The following PPRC1 variants were observed in gnomAD, a reference collection of about 807,000 sequenced individuals.
The protein encoded by PPRC1 is peroxisome proliferator-activated receptor gamma coactivator-related protein 1.
In PPRC1, 23 loss-of-function variants were observed where a neutral mutation model predicts 132.5. The observed-to-expected ratio is 0.17, with a 90% confidence interval of 0.12 to 0.25. The LOEUF is 0.25. PPRC1 is among the 10% of genes least tolerant of loss of function. The pLI, the probability that PPRC1 is intolerant of heterozygous loss-of-function variation, is 1.00. For synonymous variants in PPRC1, 872 were observed against 833.5 expected (o/e 1.05, Z -0.80); for missense variants, 2,006 against 2,089.1 (o/e 0.96, Z 0.78).
intron 13 of PPRC1, 101 bp downstream of exon 13, chr10:102,149,430 GACAT>G (rs1294257926): frequency 9.7e-6 from 13 of 1,335,968 alleles, no homozygotes; most frequent in Admixed American, 5.8e-5. Context: ...ACCTTAGTTT[GACAT>G]ACAAAGAACC....
the PPRC1 span, chr10:102,120,160 C>G: frequency 5.5e-5 from 69 of 1,244,508 alleles, no homozygotes; most frequent in Non-Finnish European, 6.7e-5. Flanking sequence ...GTGCCCGCCC[C>G]TCGCGGGGAC....
Position 102,141,791 on chromosome 10 carries a change from C to T in PPRC1, c.3283C>T (p.Pro1095Ser), listed in dbSNP as rs746198306. 6 of 1,613,864 alleles carry T rather than the reference C, an allele frequency of 3.7e-6. No individual in the cohort carries two copies. The highest frequency in any genetic ancestry group is 4.2e-6 in the Non-Finnish European group (5 of 1,179,856). The change falls in exon 5 of 14, where the codon CCT becomes TCT. Residue 1095 changes from proline to serine, a missense_variant. Physicochemically the swap from Pro to Ser is moderately conservative, Grantham distance 74 (BLOSUM62 -1). Around this residue, in one of 2 missense-constraint regions of PPRC1, gnomAD observed 1,914 missense variants for 1,917.2 expected, o/e 1.00. Coordinates refer to ENST00000278070, the MANE Select transcript of PPRC1 (RefSeq NM_015062.5). Reference protein sequence around the residue: ...VSAEGVTVEEPASERLKPETQ... With the variant: ...VSAEGVTVEESASERLKPETQ... ...TGCTGAAGGTGTGACTGTTGAGGAG[C>T]CTGCATCAGAGAGGCTAAAGCCTGA... is the stretch of plus-strand genomic sequence containing the variant.
chr10:102,129,900 A>G (rs1590304494), upstream of PPRC1, among the ~76,000 whole-genome samples: 1 of 152,180 alleles, frequency 6.6e-6, no homozygotes, highest in Non-Finnish European at 1.5e-5. Flanking sequence ...CACTGTGCCC[A>G]GCCTTAGAGC....
chr10:102,137,064 C>T (rs538407638), intron 1 of PPRC1, among the ~76,000 whole-genome samples: 4 of 152,180 alleles, frequency 2.6e-5, no homozygotes, highest in South Asian at 4.1e-4. Context: ...GTCGGCCGGG[C>T]GTGGCGGCTC....
In PPRC1 at chr10:102,148,552, C is replaced by T; in HGVS notation, c.4550+31C>T. 1.2e-6 allele frequency: 2 copies of T among 1,612,598 alleles called. No homozygotes were observed. The highest frequency in any genetic ancestry group is 1.7e-6 in the Non-Finnish European group (2 of 1,178,614). On this transcript the variant is annotated intron_variant, in intron 10 of 13. Coordinates refer to ENST00000278070, the MANE Select transcript of PPRC1 (RefSeq NM_015062.5). The surrounding 1 kb of genome is among the most constrained non-coding windows in gnomAD (Gnocchi z 4.2). ...CATGTGTTCAGGGAGCGCCATGCAC[C>T]TGGGATGCAGGTGCCTAAGAGTTGA...
Position 102,139,437 on chromosome 10 carries a change from G to A in PPRC1, c.929G>A (p.Arg310Gln), listed in dbSNP as rs368130942. The change falls in exon 5 of 14, where the codon CGG (arginine) becomes CAG (glutamine). Residue 310 changes from arginine to glutamine, a missense_variant. Transcript: ENST00000278070. ...ATCTCCTCCCTGAGTGAGCTGGTGCGGGCCATGCACCCATACTGCCTGCCC... is the reference window on the plus strand; with the variant it reads ...ATCTCCTCCCTGAGTGAGCTGGTGCAGGCCATGCACCCATACTGCCTGCCC... Reference protein sequence around the residue: ...ESISSLSELVRAMHPYCLPNL... With the variant: ...ESISSLSELVQAMHPYCLPNL... The A allele has an allele frequency of 5.5e-5, 89 of 1,614,032 alleles. No individual in the cohort carries two copies. Among genetic ancestry groups the A allele is most frequent in the Non-Finnish European group, 7.5e-5 (88 of 1,180,018 alleles).
At chr10:102,124,648 T>A in the PPRC1 span, among the ~76,000 whole-genome samples, 1 of 149,698 alleles carries the variant, frequency 6.7e-6, no homozygotes, top group African/African-American at 2.5e-5. Flanking sequence ...GCCATTTTTT[T>A]TTTTTTTTTT....
rs1047011292 is a variant in PPRC1 at position 102,138,870 on chromosome 10, C to A, written c.490-9C>A. Reference sequence around the variant, plus strand: ...ATAGACTGATCTCAGGTCTTTCTTTCCCTCTTAGCTGCACAAGCTGCTTAC... The same window carrying A: ...ATAGACTGATCTCAGGTCTTTCTTTACCTCTTAGCTGCACAAGCTGCTTAC... On this transcript the variant is annotated splice_polypyrimidine_tract_variant and intron_variant, in intron 3 of 13. Coordinates refer to ENST00000278070, the MANE Select transcript of PPRC1 (RefSeq NM_015062.5). 1.2e-6 allele frequency: 2 copies of A among 1,613,600 alleles called. No homozygotes were observed. The highest frequency in any genetic ancestry group is 1.3e-5 in the African/African-American group (1 of 74,880).
At position 102,144,274 on chromosome 10, in the gene PPRC1, C is replaced by T. The variant is rs144188174; in HGVS notation, c.3575C>T (p.Ala1192Val). 1,802 of 1,614,056 alleles carry T rather than the reference C, an allele frequency of 1.1e-3. No individual in the cohort carries two copies. The highest frequency in any genetic ancestry group is 1.4e-3 in the Non-Finnish European group (1,684 of 1,180,020). The change falls in exon 7 of 14, where the codon GCT becomes GTT. Residue 1192 changes from alanine to valine, a missense_variant. Ala to Val is a moderately conservative substitution (Grantham distance 64, BLOSUM62 0). Coordinates refer to ENST00000278070, the MANE Select transcript of PPRC1 (RefSeq NM_015062.5). ...SEAKKECPPPAPADSLAVGNS... is the reference protein window; with the variant it reads ...SEAKKECPPPVPADSLAVGNS... ...GCCAAAAAGGAGTGTCCTCCTCCGG[C>T]TCCTGCTGACAGCTTGGCTGTAGGA...
chr10:102,120,214 G>GC, the PPRC1 span: 8 of 998,786 alleles, frequency 8.0e-6, no homozygotes, highest in African/African-American at 1.2e-4. Context: ...CCCCCGCTGC[G>GC]CTCGCCGCCG....
rs1236198040 is a variant in PPRC1, at chr10:102,138,885, A to G, written c.496A>G (p.Lys166Glu). ...VSPREGSSLH[K>E]LLTLSRTPPE... ...GTCTTTCTTTCCCTCTTAGCTGCAC[A>G]AGCTGCTTACTCTCTCTCGGACACC... is the stretch of plus-strand genomic sequence containing the variant. The change falls in exon 4 of 14, where the codon AAG becomes GAG. Residue 166 changes from lysine to glutamate, a missense_variant. Lys to Glu is a moderately conservative substitution (Grantham distance 56). Around this residue, in one of 2 missense-constraint regions of PPRC1, gnomAD observed 1,914 missense variants for 1,917.2 expected, o/e 1.00. Coordinates refer to ENST00000278070, the MANE Select transcript of PPRC1 (RefSeq NM_015062.5). The G allele has an allele frequency of 1.2e-6, 2 of 1,613,984 alleles. No homozygotes were observed. Among genetic ancestry groups the G allele is most frequent in the African/African-American group, 1.3e-5 (1 of 74,990 alleles).
Position 102,139,414 on chromosome 10 carries a change from C to A in PPRC1, c.906C>A (p.Ile302=). The A allele has an allele frequency of 6.2e-7, 1 of 1,614,250 alleles. No individual in the cohort carries two copies. The highest frequency in any genetic ancestry group is 8.5e-7 in the Non-Finnish European group (1 of 1,180,044). ...MAVPAAGDES[I]SSLSELVRAM... Reference sequence around the variant, plus strand: ...TGCCAGCAGCTGGTGATGAGAGCATCTCCTCCCTGAGTGAGCTGGTGCGGG... The same window carrying A: ...TGCCAGCAGCTGGTGATGAGAGCATATCCTCCCTGAGTGAGCTGGTGCGGG... Residue 302 remains isoleucine, a synonymous_variant, in exon 5 of 14, where the codon ATC becomes ATA. Coordinates refer to ENST00000278070, the MANE Select transcript of PPRC1 (RefSeq NM_015062.5).
rs1468181995 is a variant in PPRC1, at chr10:102,139,292, G to A, written c.784G>A (p.Gly262Arg). 20 of 1,614,066 alleles carry A rather than the reference G, an allele frequency of 1.2e-5. No individual in the cohort carries two copies. The highest frequency in any genetic ancestry group is 1.6e-5 in the Non-Finnish European group (19 of 1,180,040). ...VASFSGQILA[G>R]ELDNCVSSIP... The stretch of plus-strand genomic sequence containing the variant: ...CAGCTTCAGTGGCCAGATTCTTGCC[G>A]GGGAGCTTGACAACTGTGTGAGCAG... Residue 262 changes from glycine (G) to arginine (R), a missense_variant, in exon 5 of 14, where the codon GGG becomes AGG. Around this residue, in one of 2 missense-constraint regions of PPRC1, gnomAD observed 1,914 missense variants for 1,917.2 expected, o/e 1.00. Coordinates refer to ENST00000278070, the MANE Select transcript of PPRC1 (RefSeq NM_015062.5).
intron 6 of PPRC1, among the ~76,000 whole-genome samples, chr10:102,143,894 ATTCC>A (rs2069108082): frequency 2.6e-5 from 4 of 152,360 alleles, no homozygotes; most frequent in African/African-American, 9.6e-5. Flanking sequence ...TACAGAAATG[ATTCC>A]TGAGTTGGTA....
rs758982391 is a variant in PPRC1, at chr10:102,141,172, G to T, written c.2664G>T (p.Met888Ile). The change falls in exon 5 of 14, where the codon ATG becomes ATT. Residue 888 changes from methionine (M) to isoleucine (I), a missense_variant. Physicochemically the swap from Met to Ile is conservative, Grantham distance 10. Around this residue, in one of 2 missense-constraint regions of PPRC1, gnomAD observed 1,914 missense variants for 1,917.2 expected, o/e 1.00. Transcript: ENST00000278070. ...ALPFPAGGLG[M>I]PPSLPPPPLQ... The stretch of plus-strand genomic sequence containing the variant: ...CTTTCCCTGCAGGTGGGCTTGGCAT[G>T]CCCCCCAGTCTGCCCCCACCTCCCT... The T allele has an allele frequency of 6.2e-7, 1 of 1,613,872 alleles. No homozygotes were observed. The highest frequency in any genetic ancestry group is 8.5e-7 in the Non-Finnish European group (1 of 1,179,940).
chr10:102,147,941 G>A (rs2133723681), intron 9 of PPRC1, among the ~76,000 whole-genome samples: 1 of 152,234 alleles, frequency 6.6e-6, no homozygotes, highest in East Asian at 1.9e-4. Context: ...AAGTCTAGCA[G>A]TTAACCTCTC....
chr10:102,125,126 T>C, the PPRC1 span, among the ~76,000 whole-genome samples: 1 of 152,116 alleles, frequency 6.6e-6, no homozygotes, highest in Non-Finnish European at 1.5e-5. Flanking sequence ...AGAGTCTCGC[T>C]CTGTCACCAG....
rs1217652336 is a variant in PPRC1, at chr10:102,147,026, C to A, written c.4034C>A (p.Pro1345Gln). 1 of 1,614,078 alleles carries A rather than the reference C, an allele frequency of 6.2e-7. No individual in the cohort carries two copies. The highest frequency in any genetic ancestry group is 8.5e-7 in the Non-Finnish European group (1 of 1,180,034). ...TTGGGCCCAGCTGCCCCTCCGCCCCCATGCATAGCTGCCTCCCGGGAGCCG... is the reference window on the plus strand; with the variant it reads ...TTGGGCCCAGCTGCCCCTCCGCCCCAATGCATAGCTGCCTCCCGGGAGCCG... Reference protein sequence around the residue: ...LSLGPAAPPPPCIAASREPLD... With the variant: ...LSLGPAAPPPQCIAASREPLD... The change falls in exon 9 of 14, where the codon CCA becomes CAA. Residue 1345 changes from proline (P) to glutamine (Q), a missense_variant. Coordinates refer to ENST00000278070, the MANE Select transcript of PPRC1 (RefSeq NM_015062.5).
the PPRC1 span, among the ~76,000 whole-genome samples, chr10:102,120,827 G>T: frequency 6.6e-6 from 1 of 152,238 alleles, no homozygotes; most frequent in East Asian, 1.9e-4. Context: ...GCGGAGCCGG[G>T]GTGGGCAGTG....
Sources: allele counts gnomAD v4.1 joint callset (sites outside exome capture counted in the v4.1 genomes callset), GRCh38; gene constraint gnomAD v4.1.1; regional missense constraint gnomAD v4.1.1; non-coding constraint Gnocchi (gnomAD v3.1); transcripts MANE v1.5; gene names NCBI Gene and HGNC (gene_info 2026-07-23, HGNC 2026-07-21).